Variants in PEX5L observed in about 807,000 individuals in gnomAD.
PEX5L encodes PEX5-related protein.
PEX5L carries 30 observed loss-of-function variants against 84.0 expected under a neutral mutation model. The observed-to-expected ratio is 0.36, with a 90% CI of 0.27 to 0.48. The LOEUF (loss-of-function observed/expected upper bound fraction) is 0.48. Among genes scored for constraint, PEX5L ranks in the 20% least tolerant of loss-of-function variants. PEX5L has a pLI of 0.99. For synonymous variants in PEX5L, 270 were observed against 283.1 expected, an observed-to-expected ratio of 0.95 and a Z score of 0.46; for missense variants, 533 against 754.6, an observed-to-expected ratio of 0.71 and a Z score of 3.44.
Position 179,898,357 on chromosome 3 carries a change from C to T in PEX5L, c.94-111G>A, listed in dbSNP as rs1039865221. On this transcript the variant is annotated intron_variant, in intron 2 of 14. Transcript: ENST00000467460. ...AATCCAACATAAATGAAGAGGTAGG[C>T]TGCTGCAAGTGAATCTTGAGGCTTT... 3 of 664,362 alleles carry T rather than the reference C, an allele frequency of 4.5e-6. No individual in the cohort carries two copies. The South Asian group carries it at 9.7e-5, about 21-fold the overall frequency. The allele number at this position is 664,362 out of a possible 1,614,324, so 41.2% of individuals were successfully genotyped here.
chr3:179,842,933 T>C (rs1737841370), intron 8 of PEX5L, among the ~76,000 whole-genome samples: 1 of 152,032 alleles, frequency 6.6e-6, no homozygotes, highest in African/African-American at 2.4e-5. Context: ...GAAAAACAAC[T>C]GAAGCTGGTG....
chr3:179,904,100 GCA>G (rs1762324927), intron 2 of PEX5L, among the ~76,000 whole-genome samples: 1 of 152,170 alleles, frequency 6.6e-6, no homozygotes, highest in Non-Finnish European at 1.5e-5. Flanking sequence ...TAGTCAAGTT[GCA>G]GAAAAGAAAT....
At chr3:179,835,244 C>G (rs1477795110) in intron 8 of PEX5L, among the ~76,000 whole-genome samples, 1 of 152,214 alleles carries the variant, frequency 6.6e-6, no homozygotes, top group Non-Finnish European at 1.5e-5. Context: ...TGCTACCACT[C>G]CCCTAGAGAT....
intron 8 of PEX5L, among the ~76,000 whole-genome samples, chr3:179,852,002 T>C (rs1354649123): frequency 6.6e-6 from 1 of 152,116 alleles, no homozygotes; most frequent in Admixed American, 6.5e-5. Context: ...AAGAGAGTAG[T>C]GGAATGGGAC....
intron 1 of PEX5L, among the ~76,000 whole-genome samples, chr3:180,020,156 C>A (rs114104593): frequency 6.6e-6 from 1 of 152,070 alleles, no homozygotes; most frequent in Non-Finnish European, 1.5e-5. Flanking sequence ...ATATTCATTT[C>A]GCTTACAATT....
intron 1 of PEX5L, among the ~76,000 whole-genome samples, chr3:179,976,382 G>A (rs562567660): frequency 9.9e-5 from 15 of 152,232 alleles, no homozygotes; most frequent in African/African-American, 2.6e-4. Flanking sequence ...GGTGGTGAGC[G>A]TAGGAAGATA....
chr3:179,938,503 T>C (rs1578702380), intron 2 of PEX5L, among the ~76,000 whole-genome samples: 2 of 152,302 alleles, frequency 1.3e-5, no homozygotes, highest in Middle Eastern at 3.4e-3. Context: ...AACACTATGG[T>C]GTGCAAGGGA....
At chr3:179,952,966 A>C (rs1779503414) in intron 2 of PEX5L, among the ~76,000 whole-genome samples, 2 of 152,284 alleles carry the variant, frequency 1.3e-5, no homozygotes, top group African/African-American at 4.8e-5. Flanking sequence ...CAACCATCTG[A>C]TCTTTGACAA....
intron 2 of PEX5L, among the ~76,000 whole-genome samples, chr3:179,945,117 C>T (rs1343330212): frequency 6.6e-6 from 1 of 152,142 alleles, no homozygotes; most frequent in Non-Finnish European, 1.5e-5. Flanking sequence ...GCAATTGGTT[C>T]CCTTGTTATT....
At chr3:180,002,250 C>T (rs557511033) in intron 1 of PEX5L, among the ~76,000 whole-genome samples, 1 of 152,080 alleles carries the variant, frequency 6.6e-6, no homozygotes, top group South Asian at 2.1e-4. Flanking sequence ...GTGATAGATT[C>T]CTAGGGATGA....
At chr3:179,980,768 G>A (rs1329744449) in intron 1 of PEX5L, among the ~76,000 whole-genome samples, 1 of 152,162 alleles carries the variant, frequency 6.6e-6, no homozygotes, top group Non-Finnish European at 1.5e-5. Context: ...TTGGCCAGGA[G>A]CGGTGGCTCA....
chr3:179,894,102 C>A (rs1758446170), intron 3 of PEX5L, among the ~76,000 whole-genome samples: 1 of 151,894 alleles, frequency 6.6e-6, no homozygotes. Context: ...GTTAAATAGG[C>A]CTTTAGTCAT....
intron 2 of PEX5L, among the ~76,000 whole-genome samples, chr3:179,964,478 C>T (rs576750103): frequency 1.3e-5 from 2 of 152,260 alleles, no homozygotes; most frequent in African/African-American, 4.8e-5. Context: ...AGCTTCTGCA[C>T]AGCAAAAGAA....
chr3:179,902,380 G>A (rs1243424352), intron 2 of PEX5L, among the ~76,000 whole-genome samples: 2 of 152,194 alleles, frequency 1.3e-5, no homozygotes, highest in Non-Finnish European at 1.5e-5. Flanking sequence ...ATCTCGCTCA[G>A]ATTTGGGGCG....
chr3:179,875,534 G>T (rs919034324), intron 5 of PEX5L, 57 bp from the exon 6 acceptor site: 10 of 1,354,326 alleles, frequency 7.4e-6, no homozygotes, highest in Middle Eastern at 1.8e-4. Flanking sequence ...GGTAGGGGGA[G>T]CGGTGGCGGG....
chr3:179,957,724 C>T (rs1259871632), intron 2 of PEX5L, among the ~76,000 whole-genome samples: 2 of 152,082 alleles, frequency 1.3e-5, no homozygotes, highest in African/African-American at 4.8e-5. Flanking sequence ...GTGGTGGGTA[C>T]AGAGGTAATT....
intron 2 of PEX5L, among the ~76,000 whole-genome samples, chr3:179,936,278 T>A (rs1334676507): frequency 6.6e-6 from 1 of 152,202 alleles, no homozygotes; most frequent in African/African-American, 2.4e-5. Context: ...ATGCTGTCAA[T>A]GTACTTTATT....
At chr3:179,889,069 GC>G (rs1272965410) in intron 3 of PEX5L, among the ~76,000 whole-genome samples, 11 of 152,200 alleles carry the variant, frequency 7.2e-5, no homozygotes, top group African/African-American at 2.6e-4. Flanking sequence ...GAGCCACTGT[GC>G]CTGGCCAATC....
At chr3:180,023,526 T>C (rs1790607541) in intron 1 of PEX5L, among the ~76,000 whole-genome samples, 1 of 152,110 alleles carries the variant, frequency 6.6e-6, no homozygotes, top group Non-Finnish European at 1.5e-5. Context: ...TTTTCCATTA[T>C]ATGGTTAGTA....
Sources: allele counts gnomAD v4.1 joint callset (sites outside exome capture counted in the v4.1 genomes callset), GRCh38; gene constraint gnomAD v4.1.1; transcripts MANE v1.5; gene names NCBI Gene and HGNC (gene_info 2026-07-23, HGNC 2026-07-21).